The following SEPSECS variants were observed in gnomAD, a reference collection of about 807,000 sequenced individuals.
SEPSECS encodes O-phosphoseryl-tRNA(Sec) selenium transferase.
SEPSECS carries 42 observed loss-of-function variants against 52.1 expected under a neutral mutation model. The observed-to-expected ratio is 0.81, with a 90% CI of 0.63 to 1.04. The LOEUF (loss-of-function observed/expected upper bound fraction) is 1.04, where lower values mean the gene tolerates loss of function less well. Ranked by LOEUF, SEPSECS falls within the 50% of genes least tolerant of loss-of-function variation. The probability of loss-of-function intolerance (pLI) is 0.00; values close to 1 mark genes in which losing one functional copy is unlikely to be tolerated. For synonymous variants in SEPSECS, 216 were observed against 211.4 expected (o/e 1.02, Z -0.19); for missense variants, 590 against 610.6 (o/e 0.97, Z 0.36).
At chr4:25,133,831 A>C (rs1428531865) in intron 8 of SEPSECS, among the ~76,000 whole-genome samples, 2 of 152,034 alleles carry the variant, frequency 1.3e-5, no homozygotes, top group African/African-American at 4.8e-5. Context: ...TTAAAAAAAA[A>C]AGGCTTGGTG....
In SEPSECS at chr4:25,121,523, T is replaced by G. The variant is rs1021422195; in HGVS notation, c.*2408A>C. The G allele has an allele frequency of 1.3e-5, 2 of 152,184 alleles. No individual in the cohort carries two copies. The highest frequency in any genetic ancestry group is 2.4e-5 in the African/African-American group (1 of 41,468). The allele number at this position is 152,184 out of a possible 1,614,324, so 9.4% of individuals were successfully genotyped here. On this transcript the variant is annotated 3_prime_UTR_variant, in exon 11 of 11. Transcript: ENST00000382103. ...AATTATGAGGCTTACCAATCAGTAC[T>G]AGCGAATTATAATAAATACATCCTT...
intron 5 of SEPSECS, among the ~76,000 whole-genome samples, chr4:25,153,980 A>G (rs1160741632): frequency 6.6e-6 from 1 of 152,138 alleles, no homozygotes; most frequent in Non-Finnish European, 1.5e-5. Flanking sequence ...AAATATCCAT[A>G]TGCTGTTTTT....
intron 4 of SEPSECS, 83 bp downstream of exon 4, chr4:25,155,954 T>C: frequency 2.3e-6 from 3 of 1,316,570 alleles, no homozygotes; most frequent in East Asian, 2.4e-5. Context: ...AGTTAGTTTA[T>C]TTTTCATTTA....
At chr4:25,135,317 G>C (rs945767166) in intron 8 of SEPSECS, among the ~76,000 whole-genome samples, 2 of 149,260 alleles carry the variant, frequency 1.3e-5, no homozygotes, top group East Asian at 2.0e-4. Context: ...TAGGTAGATT[G>C]TTAGCTAGAC....
chr4:25,132,067 C>T (rs1728631315), intron 8 of SEPSECS, among the ~76,000 whole-genome samples: 1 of 152,238 alleles, frequency 6.6e-6, no homozygotes, highest in East Asian at 1.9e-4. Flanking sequence ...GGGATAAGGG[C>T]AAAGAGGCTC....
At chr4:25,152,693 CTAATT>C (rs1712372441) in intron 5 of SEPSECS, among the ~76,000 whole-genome samples, 1 of 151,918 alleles carries the variant, frequency 6.6e-6, no homozygotes, top group South Asian at 2.1e-4. Flanking sequence ...TCATATTAAT[CTAATT>C]TGAGAGTCTA....
rs747528966 is a variant in SEPSECS, at chr4:25,160,282, G to A, written c.88C>T (p.His30Tyr). 6.4e-7 allele frequency: 1 copy of A among 1,555,774 alleles called. No homozygotes were observed. Reference protein sequence around the residue: ...QGCEARRSHEHLIRLLLEKGK... With the variant: ...QGCEARRSHEYLIRLLLEKGK... ...TTCTCCAGAAGCAGCCGTATGAGGT[G>A]CTCATGCGAGCGGCGGGCCTCACAG... Residue 30 changes from histidine to tyrosine, a missense_variant, in exon 1 of 11, where the codon CAC (histidine) becomes TAC (tyrosine). Transcript: ENST00000382103.
rs986264216 is a variant in SEPSECS at position 25,159,036 on chromosome 4, G to C, written c.186C>G (p.Asp62Glu). The change falls in exon 2 of 11, where the codon GAC (aspartate) becomes GAG (glutamate). Residue 62 changes from aspartate (D) to glutamate (E), a missense_variant. Coordinates refer to ENST00000382103, the MANE Select transcript of SEPSECS (RefSeq NM_016955.4). ...ELFLHELAIMDSNNFLGNCGV... is the reference protein window; with the variant it reads ...ELFLHELAIMESNNFLGNCGV... ...CACAATTGCCTAAGAAATTGTTGCT[G>C]TCCATGATTGCAAGTTCATGTAAAA... 10 of 1,612,728 alleles carry C rather than the reference G, an allele frequency of 6.2e-6. No individual in the cohort carries two copies. The highest frequency in any genetic ancestry group is 8.5e-6 in the Non-Finnish European group (10 of 1,179,492).
At chr4:25,151,721 T>C (rs1229112380) in intron 6 of SEPSECS, among the ~76,000 whole-genome samples, 1 of 152,214 alleles carries the variant, frequency 6.6e-6, no homozygotes, top group Non-Finnish European at 1.5e-5. Context: ...AAAGCTAAAC[T>C]ACTAAAGTAT....
Position 25,123,947 on chromosome 4 carries a change from T to C in SEPSECS, c.1490A>G (p.Gln497Arg), listed in dbSNP as rs368529568. ...CTTCGCATGTCATGAAGAAGCATCC[T>C]GGTATGTGTCAAGAAGTACATTATC... is the stretch of plus-strand genomic sequence containing the variant. ...KLDNVLLDTY[Q>R]DASS Residue 497 changes from glutamine (Q) to arginine (R), a missense_variant, in exon 11 of 11, where the codon CAG (glutamine) becomes CGG (arginine). Transcript: ENST00000382103. 6.2e-7 allele frequency: 1 copy of C among 1,613,444 alleles called. No individual in the cohort carries two copies. The highest frequency in any genetic ancestry group is 8.5e-7 in the Non-Finnish European group (1 of 1,179,434).
In SEPSECS at chr4:25,155,029, T is replaced by C. The variant is rs771751698; in HGVS notation, c.670A>G (p.Thr224Ala). The change falls in exon 5 of 11, where the codon ACA (threonine) becomes GCA (alanine). Residue 224 changes from threonine to alanine, a missense_variant. Coordinates refer to ENST00000382103, the MANE Select transcript of SEPSECS (RefSeq NM_016955.4). ...GGCACCCTTGGAGCAAAACAGGATG[T>C]AGTAGAATGAATACACAGAATGCAA... ...PDCILCIHST[T>A]SCFAPRVPDR... 5 of 1,614,144 alleles carry C rather than the reference T, an allele frequency of 3.1e-6. No homozygotes were observed. In the South Asian group the frequency reaches 5.5e-5, roughly 18 times the overall value.
chr4:25,156,763 C>G (rs1317209045), intron 3 of SEPSECS, 93 bp downstream of exon 3: 1 of 520,948 alleles, frequency 1.9e-6, no homozygotes, highest in South Asian at 1.5e-5. Context: ...CACTCATACT[C>G]TTTTTGGAAA....
intron 8 of SEPSECS, among the ~76,000 whole-genome samples, chr4:25,130,701 C>T (rs1333177885): frequency 6.6e-6 from 1 of 152,128 alleles, no homozygotes; most frequent in African/African-American, 2.4e-5. Context: ...TAATATTCCA[C>T]ATGTTAAGCT....
In SEPSECS at chr4:25,156,206, G is replaced by A. The variant is rs747291000; in HGVS notation, c.389-11C>T. ...CTACTGTATGGACACCTACAAATAA[G>A]AAGCAAAACAGAAATCTGTTATCCC... On this transcript the variant is annotated splice_polypyrimidine_tract_variant and intron_variant, in intron 3 of 10. Transcript: ENST00000382103. 1 of 1,613,142 alleles carries A rather than the reference G, an allele frequency of 6.2e-7. No individual in the cohort carries two copies. Among genetic ancestry groups the A allele is most frequent in the East Asian group, 2.2e-5 (1 of 44,832 alleles).
intron 8 of SEPSECS, among the ~76,000 whole-genome samples, chr4:25,138,175 T>A (rs986188456): frequency 6.6e-6 from 1 of 152,216 alleles, no homozygotes; most frequent in African/African-American, 2.4e-5. Context: ...CGTTTACCTA[T>A]GTAACAAACC....
At position 25,152,016 on chromosome 4, in the gene SEPSECS, T is replaced by C. The variant is rs778538305; in HGVS notation, c.748A>G (p.Ile250Val). ...VICANYDIPH[I>V]VNNAYGVQSS... ...TGCACTCCATAAGCATTATTAACTATATGTGGAATGTCATAATTAGCACAA... is the reference window on the plus strand; with the variant it reads ...TGCACTCCATAAGCATTATTAACTACATGTGGAATGTCATAATTAGCACAA... The change falls in exon 6 of 11, where the codon ATA becomes GTA. Residue 250 changes from isoleucine to valine, a missense_variant. Ile to Val is a conservative substitution (Grantham distance 29). Transcript: ENST00000382103. The C allele has an allele frequency of 6.2e-7, 1 of 1,602,100 alleles. No individual in the cohort carries two copies. Among genetic ancestry groups the C allele is most frequent in the South Asian group, 1.1e-5 (1 of 90,834 alleles).
At chr4:25,154,866 G>A (rs1044991691) in intron 5 of SEPSECS, 132 bp downstream of exon 5, 3 of 962,792 alleles carry the variant, frequency 3.1e-6, no homozygotes, top group Non-Finnish European at 4.7e-6. Flanking sequence ...TCTCCACAAG[G>A]TCAATCTATT....
At chr4:25,136,187 T>C (rs1728834185) in intron 8 of SEPSECS, among the ~76,000 whole-genome samples, 1 of 152,076 alleles carries the variant, frequency 6.6e-6, no homozygotes, top group Non-Finnish European at 1.5e-5. Context: ...CAACATACCA[T>C]TGGAAGTTCT....
chr4:25,144,534 C>A (rs905380122), intron 8 of SEPSECS, among the ~76,000 whole-genome samples: 1 of 151,266 alleles, frequency 6.6e-6, no homozygotes, highest in South Asian at 2.1e-4. Flanking sequence ...GCAGGAGTTT[C>A]TAAAAAGTAA....
Sources: allele counts gnomAD v4.1 joint callset (sites outside exome capture counted in the v4.1 genomes callset), GRCh38; gene constraint gnomAD v4.1.1; transcripts MANE v1.5; gene names NCBI Gene and HGNC (gene_info 2026-07-23, HGNC 2026-07-21).